MDGA2: variants seen among roughly 807,000 people sequenced by gnomAD.
The protein encoded by MDGA2 is MAM domain containing glycosylphosphatidylinositol anchor 2, also known as MAM domain-containing glycosylphosphatidylinositol anchor protein 2.
In MDGA2, 40 loss-of-function variants were observed where a neutral mutation model predicts 117.8. The observed-to-expected ratio is 0.34, with a 90% CI of 0.26 to 0.44. The LOEUF is 0.44. Ranked by LOEUF, MDGA2 falls within the 20% of genes least tolerant of loss-of-function variation. The pLI is 1.00. For missense variants in MDGA2, 1,123 were observed against 1,250.6 expected, an observed-to-expected ratio of 0.90 and a Z score of 1.54; for synonymous variants, 452 against 439.0, an observed-to-expected ratio of 1.03 and a Z score of -0.37.
At chr14:47,486,789 A>G (rs576415647) in intron 1 of MDGA2, among the ~76,000 whole-genome samples, 17 of 152,156 alleles carry the variant, frequency 1.1e-4, no homozygotes, top group Non-Finnish European at 2.2e-4. Context: ...CATGTAAGAC[A>G]TAACTTGCTC....
intron 6 of MDGA2, among the ~76,000 whole-genome samples, chr14:47,075,636 A>G (rs896487922): frequency 6.6e-6 from 1 of 152,202 alleles, no homozygotes; most frequent in African/African-American, 2.4e-5. Context: ...AAGAGGCACT[A>G]TATCACCAAG....
intron 1 of MDGA2, among the ~76,000 whole-genome samples, chr14:47,464,493 A>G (rs1426970765): frequency 3.2e-4 from 49 of 151,736 alleles, no homozygotes; most frequent in Non-Finnish European, 2.8e-4. Context: ...GTTTCAGAAT[A>G]AAAAATCAAT....
chr14:47,054,633 T>C (rs1229551712), intron 7 of MDGA2, among the ~76,000 whole-genome samples: 1 of 151,896 alleles, frequency 6.6e-6, no homozygotes, highest in Non-Finnish European at 1.5e-5. Context: ...CAAAACAGCA[T>C]GGTACTGGTA....
intron 9 of MDGA2, among the ~76,000 whole-genome samples, chr14:46,926,487 C>T (rs750720388): frequency 3.7e-4 from 56 of 150,302 alleles, no homozygotes; most frequent in Non-Finnish European, 5.9e-4. Flanking sequence ...TATAGCCAAA[C>T]GATTTGAGAA....
At chr14:47,348,218 ATTTTTT>A (rs78606952) in intron 1 of MDGA2, among the ~76,000 whole-genome samples, 3 of 138,078 alleles carry the variant, frequency 2.2e-5, no homozygotes, top group East Asian at 2.1e-4. Flanking sequence ...AAATCCTTAA[ATTTTTT>A]TTTTTTTTTT....
chr14:46,860,674 T>C (rs1392746309), intron 14 of MDGA2, among the ~76,000 whole-genome samples: 1 of 151,970 alleles, frequency 6.6e-6, no homozygotes, highest in Non-Finnish European at 1.5e-5. Flanking sequence ...TGTTGTTTTG[T>C]TTCCAATGTC....
At chr14:47,208,613 G>C (rs932565054) in intron 3 of MDGA2, among the ~76,000 whole-genome samples, 2 of 150,070 alleles carry the variant, frequency 1.3e-5, no homozygotes, top group East Asian at 3.9e-4. Context: ...GCTAGATTCA[G>C]AGGGCTCCAT....
chr14:47,618,055 TA>T lies in MDGA2; in HGVS notation c.280+56461del, dbSNP rs1212696601. Among the ~76,000 whole-genome samples, 12 of 152,320 alleles carry T rather than the reference TA, an allele frequency of 7.9e-5. 2 individuals carry two copies. The highest frequency in any genetic ancestry group is 2.4e-4 in the African/African-American group (10 of 41,582). ...TTAGCTACATCCTATCAGTGTTCAATAGGGGTGAAAATGGCAAAACTCAGAG... is the reference window on the plus strand; with the variant it reads ...TTAGCTACATCCTATCAGTGTTCAATGGGGTGAAAATGGCAAAACTCAGAG... On this transcript the variant is annotated intron_variant, in intron 1 of 16. Transcript: ENST00000399232.
At chr14:47,637,548 G>A (rs754467800) in intron 1 of MDGA2, among the ~76,000 whole-genome samples, 11 of 152,054 alleles carry the variant, frequency 7.2e-5, no homozygotes, top group Non-Finnish European at 1.5e-4. Context: ...GAAACTTCAA[G>A]GAAATAATTT....
chr14:47,290,908 C>A lies in MDGA2; in HGVS notation c.420+10503G>T, dbSNP rs1286664199. 2.0e-5 allele frequency among the ~76,000 whole-genome samples: 3 copies of A among 152,186 alleles called. No individual in the cohort carries two copies. The East Asian group carries it at 5.8e-4, about 29-fold the overall frequency. The stretch of plus-strand genomic sequence containing the variant: ...GACATGTAGAATGTGCCCAGAACTC[C>A]CTGACCAAGGGACAACAAAGGGAGC... On this transcript the variant is annotated intron_variant, in intron 2 of 16. Transcript: ENST00000399232.
At position 47,058,881 on chromosome 14, in the gene MDGA2, C is replaced by T. The variant is rs894427632; in HGVS notation, c.1525+2368G>A. ...GCCATCCGTGTAGCCACACTTAGAA[C>T]AGCCCCAAATTTGCTTTAATGCTTT... On this transcript the variant is annotated intron_variant, in intron 7 of 16. Coordinates refer to ENST00000399232, the MANE Select transcript of MDGA2 (RefSeq NM_001113498.3). 1.4e-4 allele frequency: 138 copies of T among 985,202 alleles called. No individual in the cohort carries two copies. The Middle Eastern group carries it at 1.6e-3, about 11-fold the overall frequency. The allele number at this position is 985,202 out of a possible 1,614,324, so 61.0% of individuals were successfully genotyped here. A position where few individuals can be genotyped will look rare whatever the true frequency, so the allele number is the denominator to read the frequency against.
chr14:46,941,850 T>G (rs1294782651), intron 9 of MDGA2, among the ~76,000 whole-genome samples: 1 of 152,314 alleles, frequency 6.6e-6, no homozygotes, highest in Non-Finnish European at 1.5e-5. Context: ...ATTTACAAAT[T>G]AGATCTAATG....
chr14:47,295,105 A>C (rs995359306), intron 2 of MDGA2, among the ~76,000 whole-genome samples: 6 of 152,228 alleles, frequency 3.9e-5, no homozygotes, highest in African/African-American at 1.4e-4. Flanking sequence ...AATTATTTTT[A>C]AAGAGTGGCT....
chr14:47,622,351 G>T (rs1191996839), intron 1 of MDGA2, among the ~76,000 whole-genome samples: 1 of 152,150 alleles, frequency 6.6e-6, no homozygotes, highest in Admixed American at 6.5e-5. Flanking sequence ...AACTGTGAAG[G>T]GGGCAATTCT....
intron 3 of MDGA2, among the ~76,000 whole-genome samples, chr14:47,211,849 A>T (rs1471402911): frequency 6.6e-6 from 1 of 152,224 alleles, no homozygotes; most frequent in African/African-American, 2.4e-5. Context: ...TCATTAGCAT[A>T]TCATTCACTG....
chr14:47,494,726 T>C (rs1894242920), intron 1 of MDGA2, among the ~76,000 whole-genome samples: 1 of 151,930 alleles, frequency 6.6e-6, no homozygotes, highest in Non-Finnish European at 1.5e-5. Flanking sequence ...GGGTCCATGT[T>C]CATTTTTCTG....
intron 2 of MDGA2, among the ~76,000 whole-genome samples, chr14:47,256,920 AAG>A (rs970494111): frequency 6.6e-6 from 1 of 151,770 alleles, no homozygotes; most frequent in African/African-American, 2.4e-5. Flanking sequence ...AAGAAAAAGA[AAG>A]AGGAATGAAG....
At chr14:46,955,877 T>G (rs900200231) in intron 9 of MDGA2, among the ~76,000 whole-genome samples, 1 of 152,130 alleles carries the variant, frequency 6.6e-6, no homozygotes, top group Non-Finnish European at 1.5e-5. Flanking sequence ...AGATTTGCTT[T>G]GTGCATTAAA....
chr14:47,593,757 T>C (rs1013932222), intron 1 of MDGA2, among the ~76,000 whole-genome samples: 2 of 151,986 alleles, frequency 1.3e-5, no homozygotes, highest in African/African-American at 2.4e-5. Context: ...TCAGGATAAA[T>C]AGCTAATGGA....
Sources: gnomAD v4.1 joint callset for allele counts (sites outside exome capture counted in the v4.1 genomes callset) on GRCh38, gnomAD v4.1.1 for gene constraint, MANE v1.5 for transcripts, NCBI Gene and HGNC (gene_info 2026-07-23, HGNC 2026-07-21) for gene names.